AP3B1: variants seen among roughly 807,000 people sequenced by gnomAD.
The protein encoded by AP3B1 is AP-3 complex subunit beta-1.
In AP3B1, 61 loss-of-function variants were observed where a neutral mutation model predicts 132.5. The observed-to-expected ratio is 0.46, with a 90% CI of 0.37 to 0.57. The LOEUF (loss-of-function observed/expected upper bound fraction) is 0.57. Ranked by LOEUF, AP3B1 falls within the 20% of genes least tolerant of loss-of-function variation. The pLI, the probability that AP3B1 is intolerant of heterozygous loss-of-function variation, is 0.00. For missense variants in AP3B1, 1,120 were observed against 1,289.4 expected (o/e 0.87, Z 2.01); for synonymous variants, 388 against 438.3 (o/e 0.89, Z 1.43).
chr5:78,209,693 T>C (rs1745655277), intron 7 of AP3B1, among the ~76,000 whole-genome samples: 1 of 152,020 alleles, frequency 6.6e-6, no homozygotes, highest in African/African-American at 2.4e-5. Context: ...ACTTTCTAAA[T>C]TGATTGAGAC....
In AP3B1 at chr5:78,002,489, C is replaced by A; in HGVS notation, c.*413G>T. The A allele has an allele frequency of 2.3e-6, 1 of 439,902 alleles. No individual in the cohort carries two copies. The highest frequency in any genetic ancestry group is 4.0e-6 in the Non-Finnish European group (1 of 250,976). The allele number at this position is 439,902 out of a possible 1,614,324, so 27.2% of individuals were successfully genotyped here. A position where few individuals can be genotyped will look rare whatever the true frequency, so the allele number is the denominator to read the frequency against. On this transcript the variant is annotated 3_prime_UTR_variant, in exon 27 of 27. Transcript: ENST00000255194. ...AAGTATGTGATCTCATTTTCACATA[C>A]CAAGCTGAGAGGCCATTTAGACTAT...
intron 2 of AP3B1, among the ~76,000 whole-genome samples, chr5:78,254,884 A>T (rs939443265): frequency 9.9e-5 from 15 of 152,196 alleles, no homozygotes; most frequent in African/African-American, 3.4e-4. Flanking sequence ...AATGGTAACT[A>T]CAAGTTTTCA....
chr5:78,104,076 T>C (rs550138875), intron 20 of AP3B1, among the ~76,000 whole-genome samples: 1 of 152,280 alleles, frequency 6.6e-6, no homozygotes, highest in South Asian at 2.1e-4. Context: ...ATAAGCAGTA[T>C]GTAAAGTCTG....
At chr5:78,001,377 C>G (rs748410006), downstream of AP3B1, 3 of 152,200 alleles carry the variant, frequency 2.0e-5, no homozygotes, top group Non-Finnish European at 2.9e-5. Context: ...TGTGTTACCA[C>G]AGCGCCCAGG....
intron 14 of AP3B1, among the ~76,000 whole-genome samples, chr5:78,142,862 C>T (rs7378759): frequency 0.24 from 36,919 of 151,912 alleles, 4,761 homozygotes; most frequent in African/African-American, 0.32. Flanking sequence ...GCCCTTACTG[C>T]ATACTGATTT....
At chr5:78,132,197 C>T (rs1752717038) in intron 15 of AP3B1, among the ~76,000 whole-genome samples, 1 of 152,150 alleles carries the variant, frequency 6.6e-6, no homozygotes, top group South Asian at 2.1e-4. Context: ...TGTTCGCATG[C>T]ACAACAACCA....
chr5:78,027,156 C>T (rs970466989), intron 24 of AP3B1, among the ~76,000 whole-genome samples: 4 of 151,840 alleles, frequency 2.6e-5, no homozygotes, highest in Non-Finnish European at 5.9e-5. Context: ...CTGTGTCTTG[C>T]TTAAGACTTT....
chr5:78,294,501 T>C lies in AP3B1; in HGVS notation c.79A>G (p.Thr27Ala). Residue 27 changes from threonine to alanine, a missense_variant, in exon 1 of 27, where the codon ACC becomes GCC. By Grantham distance (58) the Thr-to-Ala change is moderately conservative (BLOSUM62 0). Transcript: ENST00000255194. ...ATELGQEATS[T>A]ISPSGAFGLF... is the part of the protein sequence containing the mutation. ...CCGAAGGCCCCCGAGGGGGAAATGG[T>C]TGAGGTCGCCTCCTGACCCAGCTCC... 2 of 1,614,256 alleles carry C rather than the reference T, an allele frequency of 1.2e-6. No homozygotes were observed. Among genetic ancestry groups the C allele is most frequent in the Non-Finnish European group, 1.7e-6 (2 of 1,180,046 alleles).
In AP3B1 at chr5:78,202,957, T is replaced by G. The variant is rs375373174; in HGVS notation, c.786+13098A>C. On this transcript the variant is annotated intron_variant, in intron 7 of 26. Coordinates refer to ENST00000255194, the MANE Select transcript of AP3B1 (RefSeq NM_003664.5). ...TGGACTGTTTATACCAATACAGGCA[T>G]GTACCGATTTCTCCATTTTTGAAGG... Among the ~76,000 whole-genome samples the G allele has an allele frequency of 7.9e-5, 12 of 152,360 alleles. No individual in the cohort carries two copies. In the East Asian group the frequency reaches 1.9e-3, roughly 24 times the overall value.
chr5:78,024,384 C>G (rs957779470), intron 24 of AP3B1, among the ~76,000 whole-genome samples: 7 of 151,762 alleles, frequency 4.6e-5, no homozygotes, highest in African/African-American at 1.7e-4. Flanking sequence ...TTTCTCATTC[C>G]TTTTAAGGTT....
At chr5:78,024,755 G>C (rs1156230502) in intron 24 of AP3B1, among the ~76,000 whole-genome samples, 1 of 151,592 alleles carries the variant, frequency 6.6e-6, no homozygotes, top group East Asian at 1.9e-4. Context: ...TAGAGACGAG[G>C]TTTCACCATG....
intron 3 of AP3B1, among the ~76,000 whole-genome samples, chr5:78,236,593 T>C (rs962211282): frequency 1.3e-5 from 2 of 152,216 alleles, no homozygotes; most frequent in Non-Finnish European, 2.9e-5. Flanking sequence ...CTTGTCCTCA[T>C]ATATAAAATA....
chr5:78,070,890 T>C (rs1412832898), intron 22 of AP3B1, among the ~76,000 whole-genome samples: 2 of 152,060 alleles, frequency 1.3e-5, no homozygotes, highest in Non-Finnish European at 1.5e-5. Context: ...AGAATGGCGA[T>C]TAAAAAGTCA....
Position 78,002,912 on chromosome 5 carries a change from G to T in AP3B1, c.3275C>A (p.Ser1092Tyr). The T allele has an allele frequency of 6.2e-7, 1 of 1,614,176 alleles. No individual in the cohort carries two copies. The highest frequency in any genetic ancestry group is 8.5e-7 in the Non-Finnish European group (1 of 1,180,038). Reference protein sequence around the residue: ...VLLRELKPVLSQG With the variant: ...VLLRELKPVLYQG The stretch of plus-strand genomic sequence containing the variant: ...CCAGATGTAAGCAGGTTACCCCTGA[G>T]ACAGGACAGGCTTCAGTTCCCGCAG... Residue 1092 changes from serine (S) to tyrosine (Y), a missense_variant, in exon 27 of 27, where the codon TCT (serine) becomes TAT (tyrosine). Ser to Tyr is a moderately radical substitution (Grantham distance 144). This residue lies in a region of AP3B1 where 906 missense variants were observed against 997.1 expected (regional missense o/e 0.91). Transcript: ENST00000255194.
At chr5:78,082,557 T>C (rs1244796924) in intron 22 of AP3B1, among the ~76,000 whole-genome samples, 2 of 152,120 alleles carry the variant, frequency 1.3e-5, no homozygotes, top group Non-Finnish European at 2.9e-5. Flanking sequence ...AAAACGGAAG[T>C]TTACGCAAGT....
chr5:78,116,630 G>T (rs1751843691), intron 17 of AP3B1, among the ~76,000 whole-genome samples: 1 of 151,326 alleles, frequency 6.6e-6, no homozygotes, highest in South Asian at 2.1e-4. Flanking sequence ...AAAAAAGAAA[G>T]AAAAGAAAAT....
chr5:78,213,795 A>C (rs2112473481), intron 7 of AP3B1, among the ~76,000 whole-genome samples: 1 of 152,396 alleles, frequency 6.6e-6, no homozygotes, highest in South Asian at 2.1e-4. Flanking sequence ...TCTATAATTA[A>C]AAAACAACAA....
chr5:78,068,358 A>AAGAAGGAGAAGG (rs113811186), intron 22 of AP3B1, among the ~76,000 whole-genome samples: 1,961 of 151,056 alleles, frequency 0.013, 53 homozygotes, highest in African/African-American at 0.045. Flanking sequence ...AAGAAGAAGA[A>AAGAAGGAGAAGG]AGAAGGAGAA....
rs536318055 is a variant in AP3B1, at chr5:78,280,611, T to TA, written c.129-13017dup. Among the ~76,000 whole-genome samples, 17 of 152,264 alleles carry TA rather than the reference T, an allele frequency of 1.1e-4. No individual in the cohort carries two copies. In the East Asian group the frequency reaches 3.1e-3, roughly 28 times the overall value. On this transcript the variant is annotated intron_variant, in intron 1 of 26. Transcript: ENST00000255194. ...AATTCATAAACTATAGTAGAGGAAA[T>TA]ATAAGTTTTCTACAACTGTGTTAAT...
Sources: gnomAD v4.1 joint callset for allele counts (sites outside exome capture counted in the v4.1 genomes callset) on GRCh38, gnomAD v4.1.1 for gene constraint, gnomAD v4.1.1 regional missense constraint, MANE v1.5 for transcripts, NCBI Gene and HGNC (gene_info 2026-07-23, HGNC 2026-07-21) for gene names.